Variants in PNPLA7 observed in about 807,000 individuals in gnomAD.
PNPLA7 encodes the protein patatin like domain 7, lysophospholipase.
Under a neutral mutation model 161.7 loss-of-function variants are expected in PNPLA7, and 153 were observed. The ratio of observed to expected loss-of-function variants is 0.95; its 90% CI spans 0.83 to 1.08. The LOEUF is 1.08. PNPLA7 is among the 50% of genes least tolerant of loss of function. The pLI is 0.00. For synonymous variants in PNPLA7, 809 were observed against 782.1 expected (o/e 1.03, Z -0.57); for missense variants, 1,739 against 1,856.6 (o/e 0.94, Z 1.16).
chr9:137,532,153 T>C (rs1588693847), intron 8 of PNPLA7, among the ~76,000 whole-genome samples: 1 of 152,228 alleles, frequency 6.6e-6, no homozygotes, highest in African/African-American at 2.4e-5. Context: ...AATGGTGGGT[T>C]GGGCCAGGCA....
chr9:137,503,876 A>AT (rs1481433894), intron 14 of PNPLA7, among the ~76,000 whole-genome samples: 2 of 132,022 alleles, frequency 1.5e-5, no homozygotes, highest in Non-Finnish European at 3.3e-5. Flanking sequence ...AGGAAGGAAG[A>AT]AGAAAGAAGA....
intron 8 of PNPLA7, among the ~76,000 whole-genome samples, chr9:137,535,347 C>T (rs1835825456): frequency 1.3e-5 from 2 of 152,228 alleles, no homozygotes; most frequent in African/African-American, 2.4e-5. Context: ...AGAAGAAAAA[C>T]TCAGGTCAGA....
intron 9 of PNPLA7, 66 bp from the exon 10 acceptor site, chr9:137,521,782 C>T: frequency 7.1e-7 from 1 of 1,405,188 alleles, no homozygotes; most frequent in Non-Finnish European, 9.8e-7. Flanking sequence ...CCCGGCAGCA[C>T]CACACAGAGC....
rs1418520335 is a variant in PNPLA7, at chr9:137,547,645, C to T, written c.45G>A (p.Leu15=). 1 of 1,612,914 alleles carries T rather than the reference C, an allele frequency of 6.2e-7. No homozygotes were observed. Among genetic ancestry groups the T allele is most frequent in the East Asian group, 2.2e-5 (1 of 44,894 alleles). ...KDDSPQADFC[L]GTALHSWGLW... ...GTCCCCAAGAGTGCAGGGCGGTGCC[C>T]AGGCAGAAGTCAGCCTGCAGCAGAG... is the stretch of plus-strand genomic sequence containing the variant. The change falls in exon 2 of 35, where the codon CTG becomes CTA. Residue 15 remains leucine (L), a synonymous_variant. Transcript: ENST00000406427. The surrounding 1 kb of genome is among the most constrained non-coding windows in gnomAD (Gnocchi z 4.6).
chr9:137,464,618 A>G, intron 26 of PNPLA7, 162 bp from the exon 27 acceptor site: 1 of 663,390 alleles, frequency 1.5e-6, no homozygotes, highest in Non-Finnish European at 2.6e-6. Context: ...CTGGAGCCTC[A>G]GAGTGAGCAG....
Position 137,505,994 on chromosome 9 carries a change from C to G in PNPLA7, c.1315G>C (p.Val439Leu). The change falls in exon 13 of 35, where the codon GTG (valine) becomes CTG (leucine). Residue 439 changes from valine to leucine, a missense_variant. Transcript: ENST00000406427. Reference protein sequence around the residue: ...LHSDEHPGSSVASKSRKSVMV... With the variant: ...LHSDEHPGSSLASKSRKSVMV... ...CAGCCAGGGCCTACCTTGCTGGCCACGGAGCTCCCGGGGTGCTCGTCCGAG... is the reference window on the plus strand; with the variant it reads ...CAGCCAGGGCCTACCTTGCTGGCCAGGGAGCTCCCGGGGTGCTCGTCCGAG... The G allele has an allele frequency of 1.2e-6, 2 of 1,610,210 alleles. No individual in the cohort carries two copies. The highest frequency in any genetic ancestry group is 1.7e-6 in the Non-Finnish European group (2 of 1,178,700).
Position 137,498,113 on chromosome 9 carries a change from C to T in PNPLA7, c.1889+1G>A, listed in dbSNP as rs767961762. 27 of 1,612,794 alleles carry T rather than the reference C, an allele frequency of 1.7e-5. No individual in the cohort carries two copies. Among genetic ancestry groups the T allele is most frequent in the Non-Finnish European group, 1.9e-5 (22 of 1,179,918 alleles). Reference sequence around the variant, plus strand: ...GGAGTGTGTGGCACCCACGGCCTCACCTGTATATTGCTCGCCCGGCCTCCA... The same window carrying T: ...GGAGTGTGTGGCACCCACGGCCTCATCTGTATATTGCTCGCCCGGCCTCCA... On this transcript the variant is annotated splice_donor_variant, in intron 17 of 34. Transcript: ENST00000406427. LOFTEE classifies it high-confidence loss of function.
In PNPLA7 at chr9:137,497,156, G is replaced by T. The variant is rs142989956; in HGVS notation, c.2013+31C>A. The T allele has an allele frequency of 7.8e-4, 1,177 of 1,517,388 alleles. 10 individuals are homozygous for T. In the African/African-American group the frequency reaches 0.015, roughly 20 times the overall value. 94.0% of individuals were successfully genotyped at this position (1,517,388 alleles called of 1,614,324 possible). ...GATGCTCTGGGAGGGATGCAGAGGT[G>T]GGGGAGGCAGGAGCAGGGCCCAGCA... On this transcript the variant is annotated intron_variant, in intron 18 of 34. Transcript: ENST00000406427.
intron 12 of PNPLA7, among the ~76,000 whole-genome samples, chr9:137,508,334 G>A (rs1273757271): frequency 3.3e-5 from 5 of 152,200 alleles, no homozygotes; most frequent in African/African-American, 7.2e-5. Flanking sequence ...TTGGGAGGAC[G>A]AGGCGGGCGG....
intron 20 of PNPLA7, 111 bp from the exon 21 acceptor site, chr9:137,484,847 G>A: frequency 7.6e-7 from 1 of 1,323,720 alleles, no homozygotes; most frequent in Non-Finnish European, 1.0e-6. Flanking sequence ...AGCACCAGAG[G>A]CCGCCTGGCC....
rs552522168 is a variant in PNPLA7 at position 137,490,836 on chromosome 9, T to C, written c.2197+2177A>G. On this transcript the variant is annotated intron_variant, in intron 20 of 34. Transcript: ENST00000406427. This position sits in a 1 kb window ranked among gnomAD's most constrained non-coding sequence, Gnocchi z 4.1. ...AAGCGAAAGTTGTAGCCCTGTGTTT[T>C]TGGGGCTACAGTTTGACAAAATTAC... Among the ~76,000 whole-genome samples, 2 of 152,326 alleles carry C rather than the reference T, an allele frequency of 1.3e-5. No homozygotes were observed. The highest frequency in any genetic ancestry group is 2.9e-5 in the Non-Finnish European group (2 of 68,030).
At chr9:137,518,989 C>G (rs1170768012) in intron 11 of PNPLA7, among the ~76,000 whole-genome samples, 5 of 144,716 alleles carry the variant, frequency 3.5e-5, no homozygotes, top group African/African-American at 7.8e-5. Context: ...CCATCCCCCA[C>G]TCACTCACTC....
chr9:137,549,977 C>T lies in PNPLA7; in HGVS notation c.30+191G>A, dbSNP rs929474461. ...CACTGGCTGTCTGCTGTGACAGGCGCGTCTAACAAGTGCTGGCAGCTGTGA... is the reference window on the plus strand; with the variant it reads ...CACTGGCTGTCTGCTGTGACAGGCGTGTCTAACAAGTGCTGGCAGCTGTGA... On this transcript the variant is annotated intron_variant, in intron 1 of 34. Transcript: ENST00000406427. 4.6e-5 allele frequency among the ~76,000 whole-genome samples: 7 copies of T among 152,220 alleles called. 1 individual carries two copies. The East Asian group carries it at 5.8e-4, about 13-fold the overall frequency.
rs776976594 is a variant in PNPLA7, at chr9:137,540,836, G to A, written c.667-114C>T. The A allele has an allele frequency of 7.1e-5, 62 of 873,018 alleles. No homozygotes were observed. In the East Asian group the frequency reaches 1.1e-3, roughly 16 times the overall value. The allele number at this position is 873,018 out of a possible 1,614,324, so 54.1% of individuals were successfully genotyped here. ...GGCCACGGGCCTGCACCTCTGAGGC[G>A]CCATGAGAGCAGCAGGCACCTTGGA... is the stretch of plus-strand genomic sequence containing the variant. On this transcript the variant is annotated intron_variant, in intron 7 of 34. Coordinates refer to ENST00000406427, the MANE Select transcript of PNPLA7 (RefSeq NM_001098537.3). This position sits in a 1 kb window ranked among gnomAD's most constrained non-coding sequence, Gnocchi z 5.1.
chr9:137,462,245 G>A lies in PNPLA7; in HGVS notation c.3579C>T (p.Cys1193=). ...QLEVVKSSDY[C]EYLRPPIDSY... is the part of the protein sequence containing the mutation. ...TGTCGATGGGGGGGCGCAGGTACTC[G>A]CAGTAGTCACTGCTCTTCACCACCT... The change falls in exon 31 of 35, where the codon TGC becomes TGT. Residue 1193 remains cysteine, a synonymous_variant. Transcript: ENST00000406427. 6.2e-7 allele frequency: 1 copy of A among 1,610,348 alleles called. No homozygotes were observed. Among genetic ancestry groups the A allele is most frequent in the Admixed American group, 1.7e-5 (1 of 59,778 alleles).
At chr9:137,487,188 G>A (rs1478853797) in intron 20 of PNPLA7, among the ~76,000 whole-genome samples, 2 of 152,242 alleles carry the variant, frequency 1.3e-5, no homozygotes, top group Non-Finnish European at 2.9e-5. Flanking sequence ...AGGGCTCAGT[G>A]TCCAGTGCCC....
intron 8 of PNPLA7, among the ~76,000 whole-genome samples, chr9:137,536,139 C>T (rs1396882092): frequency 1.4e-5 from 2 of 143,154 alleles, no homozygotes; most frequent in East Asian, 2.1e-4. Flanking sequence ...GGCGACAGAC[C>T]AAGACTCCAT....
In PNPLA7 at chr9:137,522,326, G is replaced by A. The variant is rs549836337; in HGVS notation, c.876+403C>T. ...CCTGACCTCGTGATCCGCCCACCTC[G>A]GCCTCCCACAGTGCTGGGGTTACAG... On this transcript the variant is annotated intron_variant, in intron 9 of 34. Coordinates refer to ENST00000406427, the MANE Select transcript of PNPLA7 (RefSeq NM_001098537.3). 6.5e-4 allele frequency among the ~76,000 whole-genome samples: 99 copies of A among 151,564 alleles called. 1 individual carries two copies. The highest frequency in any genetic ancestry group is 9.9e-4 in the Non-Finnish European group (67 of 67,936).
At chr9:137,521,542 AC>A in intron 10 of PNPLA7, 93 bp downstream of exon 10, 1 of 1,228,804 alleles carries the variant, frequency 8.1e-7, no homozygotes, top group Non-Finnish European at 1.2e-6. Context: ...GCACTGCCCC[AC>A]CAGGCACTGG....
Sources: allele counts gnomAD v4.1 joint callset (sites outside exome capture counted in the v4.1 genomes callset), GRCh38; gene constraint gnomAD v4.1.1; non-coding constraint Gnocchi (gnomAD v3.1); transcripts MANE v1.5; gene names NCBI Gene and HGNC (gene_info 2026-07-23, HGNC 2026-07-21).